The following ACSS3 variants were observed in gnomAD, a reference collection of about 807,000 sequenced individuals.
ACSS3 encodes acyl-CoA synthetase short-chain family member 3, mitochondrial.
Under a neutral mutation model 84.2 loss-of-function variants are expected in ACSS3, and 64 were observed. The ratio of observed to expected loss-of-function variants is 0.76; its 90% confidence interval spans 0.62 to 0.94. The LOEUF is 0.94. Among genes scored for constraint, ACSS3 ranks in the 40% least tolerant of loss-of-function variants. ACSS3 has a pLI of 0.00. For synonymous variants in ACSS3, 317 were observed against 310.1 expected (o/e 1.02, Z -0.23); for missense variants, 815 against 867.6 (o/e 0.94, Z 0.76).
At chr12:81,149,044 A>C (rs1300051460) in intron 5 of ACSS3, among the ~76,000 whole-genome samples, 1 of 151,926 alleles carries the variant, frequency 6.6e-6, no homozygotes, top group Non-Finnish European at 1.5e-5. Flanking sequence ...GTGCCACTGC[A>C]CTCCAGCCTG....
chr12:81,140,434 A>G (rs555274607), intron 4 of ACSS3, among the ~76,000 whole-genome samples: 2 of 152,312 alleles, frequency 1.3e-5, no homozygotes, highest in African/African-American at 4.8e-5. Context: ...ACTGCAAAGA[A>G]TCATGTGCAA....
intron 13 of ACSS3, 108 bp downstream of exon 13, chr12:81,233,579 G>A: frequency 7.2e-7 from 1 of 1,387,798 alleles, no homozygotes; most frequent in South Asian, 1.4e-5. Context: ...CCCTTCATTT[G>A]CAGCAGAGGC....
At chr12:81,214,020 G>GTCTT (rs1165979391) in intron 9 of ACSS3, among the ~76,000 whole-genome samples, 1 of 73,464 alleles carries the variant, frequency 1.4e-5, no homozygotes, top group Non-Finnish European at 2.6e-5. Flanking sequence ...CTGTCTGTCT[G>GTCTT]TCTTTCTTTC....
At chr12:81,096,548 G>A (rs1241031690) in intron 1 of ACSS3, among the ~76,000 whole-genome samples, 1 of 152,136 alleles carries the variant, frequency 6.6e-6, no homozygotes, top group Non-Finnish European at 1.5e-5. Context: ...AGGTATACAT[G>A]TGCCATGTGG....
chr12:81,105,873 T>A (rs993656508), intron 1 of ACSS3, among the ~76,000 whole-genome samples: 14 of 152,214 alleles, frequency 9.2e-5, no homozygotes, highest in African/African-American at 3.4e-4. Context: ...GTAAGTGCTA[T>A]GGTGGAGAAA....
chr12:81,096,254 T>C (rs890361276), intron 1 of ACSS3, among the ~76,000 whole-genome samples: 17 of 152,188 alleles, frequency 1.1e-4, no homozygotes, highest in Non-Finnish European at 7.3e-5. Context: ...AGGAGAGAAT[T>C]TGTAAGGAGA....
intron 1 of ACSS3, among the ~76,000 whole-genome samples, chr12:81,104,427 G>A (rs1882796288): frequency 6.6e-6 from 1 of 152,150 alleles, no homozygotes; most frequent in African/African-American, 2.4e-5. Context: ...ATCCTTACCA[G>A]TAAAGACCTG....
intron 9 of ACSS3, among the ~76,000 whole-genome samples, chr12:81,212,275 G>T (rs182367574): frequency 6.6e-6 from 1 of 152,248 alleles, no homozygotes; most frequent in East Asian, 1.9e-4. Flanking sequence ...TTTGTTTATT[G>T]TATCTCCAGT....
chr12:81,114,431 G>T (rs1883866802), intron 2 of ACSS3, among the ~76,000 whole-genome samples: 1 of 152,044 alleles, frequency 6.6e-6, no homozygotes, highest in Non-Finnish European at 1.5e-5. Flanking sequence ...ATATGTCAGA[G>T]TAAGATAATC....
intron 2 of ACSS3, chr12:81,118,117 C>T (rs1400115813): frequency 6.6e-6 from 1 of 152,070 alleles, no homozygotes; most frequent in East Asian, 1.9e-4. Flanking sequence ...CACACATACA[C>T]TTTAAGGATG....
At chr12:81,195,600 T>G (rs2031790154) in intron 8 of ACSS3, among the ~76,000 whole-genome samples, 1 of 152,032 alleles carries the variant, frequency 6.6e-6, no homozygotes, top group African/African-American at 2.4e-5. Flanking sequence ...GTGTGGTTTT[T>G]TTTTCCTAGT....
chr12:81,130,965 C>T (rs1004282484), intron 2 of ACSS3, among the ~76,000 whole-genome samples: 1 of 152,146 alleles, frequency 6.6e-6, no homozygotes, highest in Non-Finnish European at 1.5e-5. Context: ...TCTGAAGGCT[C>T]TGTTCTGTTC....
In ACSS3 at chr12:81,233,222, A is replaced by C. The variant is rs563545926; in HGVS notation, c.1597-127A>C. ...AAAAAGTAGTGTAATTTCCTAGTCT[A>C]GTTACGAAAAACGGCAAATGTTCAC... On this transcript the variant is annotated intron_variant, in intron 12 of 15. Transcript: ENST00000548058. 6.0e-6 allele frequency: 6 copies of C among 1,005,216 alleles called. No individual in the cohort carries two copies. In the South Asian group the frequency reaches 8.9e-5, roughly 15 times the overall value. The allele number at this position is 1,005,216 out of a possible 1,614,324, so 62.3% of individuals were successfully genotyped here.
chr12:81,159,408 C>T (rs1887039760), intron 7 of ACSS3, among the ~76,000 whole-genome samples: 1 of 152,056 alleles, frequency 6.6e-6, no homozygotes. Context: ...GTTTTATAGA[C>T]AGAGATTTAC....
chr12:81,243,498 G>A (rs1376234417), intron 13 of ACSS3, among the ~76,000 whole-genome samples: 1 of 151,984 alleles, frequency 6.6e-6, no homozygotes, highest in East Asian at 1.9e-4. Flanking sequence ...TCACAGAATT[G>A]GAAAAAACTA....
intron 13 of ACSS3, among the ~76,000 whole-genome samples, chr12:81,234,124 T>C (rs576540816): frequency 1.3e-5 from 2 of 151,638 alleles, no homozygotes; most frequent in Admixed American, 1.3e-4. Flanking sequence ...TTCTCTCCAA[T>C]TTTATATAAA....
chr12:81,104,424 C>A (rs1173534763), intron 1 of ACSS3, among the ~76,000 whole-genome samples: 2 of 152,122 alleles, frequency 1.3e-5, no homozygotes, highest in Admixed American at 1.3e-4. Context: ...TTCATCCTTA[C>A]CAGTAAAGAC....
chr12:81,249,679 C>A (rs1308979776), intron 13 of ACSS3, among the ~76,000 whole-genome samples: 1 of 151,666 alleles, frequency 6.6e-6, no homozygotes, highest in East Asian at 1.9e-4. Context: ...CTGAATAGTT[C>A]CTGAGTATTC....
chr12:81,145,725 A>G (rs1340744778), intron 5 of ACSS3, among the ~76,000 whole-genome samples: 1 of 152,178 alleles, frequency 6.6e-6, no homozygotes, highest in Non-Finnish European at 1.5e-5. Context: ...AGGCTAGGGA[A>G]ACTAAAAGTC....
Sources: gnomAD v4.1 joint callset for allele counts (sites outside exome capture counted in the v4.1 genomes callset) on GRCh38, gnomAD v4.1.1 for gene constraint, MANE v1.5 for transcripts, NCBI Gene and HGNC (gene_info 2026-07-23, HGNC 2026-07-21) for gene names.